BRINP3: variants seen among roughly 807,000 people sequenced by gnomAD.
BRINP3 encodes BMP/retinoic acid inducible neural specific 3, also known as BMP/retinoic acid-inducible neural-specific protein 3.
A neutral mutation model predicts 71.0 loss-of-function variants in BRINP3; 19 were observed. The observed-to-expected ratio is 0.27, with a 90% CI of 0.19 to 0.39. The LOEUF is 0.39. BRINP3 is among the 10% of genes least tolerant of loss of function. The pLI is 1.00. For missense variants in BRINP3, 959 were observed against 940.8 expected, an observed-to-expected ratio of 1.02 and a Z score of -0.25; for synonymous variants, 380 against 337.7, an observed-to-expected ratio of 1.13 and a Z score of -1.37.
At chr1:190,459,479 A>G (rs1044745706) in intron 1 of BRINP3, among the ~76,000 whole-genome samples, 1 of 151,926 alleles carries the variant, frequency 6.6e-6, no homozygotes, top group South Asian at 2.1e-4. Flanking sequence ...GTGAATTTCC[A>G]GTAGAACTGA....
intron 7 of BRINP3, among the ~76,000 whole-genome samples, chr1:190,149,372 C>T (rs777876756): frequency 2.2e-4 from 33 of 152,192 alleles, no homozygotes; most frequent in Admixed American, 1.0e-3. Context: ...TTACTTTCTG[C>T]GGTTTATCTT....
At chr1:190,173,326 C>T (rs1229854244) in intron 6 of BRINP3, among the ~76,000 whole-genome samples, 1 of 152,158 alleles carries the variant, frequency 6.6e-6, no homozygotes, top group Non-Finnish European at 1.5e-5. Flanking sequence ...GGGATATATT[C>T]ATGGCTAATG....
chr1:190,474,164 T>A (rs934344870), intron 1 of BRINP3, among the ~76,000 whole-genome samples: 2 of 152,304 alleles, frequency 1.3e-5, no homozygotes, highest in East Asian at 3.9e-4. Flanking sequence ...CTAACCTTGG[T>A]CCAGTTTCTG....
At chr1:190,189,128 G>T in intron 6 of BRINP3, among the ~76,000 whole-genome samples, 1 of 152,076 alleles carries the variant, frequency 6.6e-6, no homozygotes, top group East Asian at 1.9e-4. Flanking sequence ...TCTTTACCTG[G>T]ATTTGCTATA....
At chr1:190,099,982 T>C (rs1177523020) in intron 7 of BRINP3, among the ~76,000 whole-genome samples, 1 of 152,204 alleles carries the variant, frequency 6.6e-6, no homozygotes, top group East Asian at 1.9e-4. Context: ...GGAAGAGCAA[T>C]GGCCTTGTAA....
At chr1:190,272,883 C>T (rs563690324) in intron 3 of BRINP3, among the ~76,000 whole-genome samples, 11 of 151,460 alleles carry the variant, frequency 7.3e-5, no homozygotes, top group African/African-American at 2.7e-4. Flanking sequence ...TAATGAATAT[C>T]CTGTTTAAAA....
At chr1:190,381,739 A>T (rs1001735975) in intron 2 of BRINP3, among the ~76,000 whole-genome samples, 3 of 152,174 alleles carry the variant, frequency 2.0e-5, no homozygotes, top group African/African-American at 7.2e-5. Flanking sequence ...GCTAATTCTC[A>T]TTCATGTTAT....
At chr1:190,191,753 C>T (rs777172010) in intron 6 of BRINP3, among the ~76,000 whole-genome samples, 11 of 151,926 alleles carry the variant, frequency 7.2e-5, no homozygotes, top group African/African-American at 2.2e-4. Flanking sequence ...CAATGAGTTG[C>T]AAATGAAGTA....
At chr1:190,262,238 T>C (rs1362104307) in intron 4 of BRINP3, among the ~76,000 whole-genome samples, 2 of 152,094 alleles carry the variant, frequency 1.3e-5, no homozygotes, top group African/African-American at 2.4e-5. Flanking sequence ...ATAATAACCC[T>C]GAGTGCAGCT....
chr1:190,374,541 C>A (rs1209846171), intron 2 of BRINP3, among the ~76,000 whole-genome samples: 2 of 145,956 alleles, frequency 1.4e-5, no homozygotes, highest in African/African-American at 2.6e-5. Context: ...TTAAACTTGG[C>A]AATTTCACTA....
At chr1:190,332,172 A>C (rs1667007637) in intron 2 of BRINP3, among the ~76,000 whole-genome samples, 1 of 152,096 alleles carries the variant, frequency 6.6e-6, no homozygotes, top group African/African-American at 2.4e-5. Context: ...GAAGAAGTAT[A>C]TGAACACGTG....
At chr1:190,333,135 G>A (rs1405767807) in intron 2 of BRINP3, among the ~76,000 whole-genome samples, 1 of 151,852 alleles carries the variant, frequency 6.6e-6, no homozygotes, top group African/African-American at 2.4e-5. Context: ...TTGAAAAAAT[G>A]ATCTTATTTA....
intron 6 of BRINP3, among the ~76,000 whole-genome samples, chr1:190,183,143 A>G (rs1285392187): frequency 6.6e-6 from 1 of 152,040 alleles, no homozygotes; most frequent in African/African-American, 2.4e-5. Flanking sequence ...GCATGTTCAT[A>G]ATTTTCAAGG....
intron 7 of BRINP3, among the ~76,000 whole-genome samples, chr1:190,145,702 T>C (rs1655823611): frequency 6.6e-6 from 1 of 152,164 alleles, no homozygotes; most frequent in East Asian, 1.9e-4. Flanking sequence ...GAAGTCATCA[T>C]ATGAAAAAGA....
chr1:190,099,988 T>C (rs1176331202), intron 7 of BRINP3, among the ~76,000 whole-genome samples: 2 of 152,196 alleles, frequency 1.3e-5, no homozygotes, highest in Admixed American at 1.3e-4. Context: ...GCAATGGCCT[T>C]GTAATAACAC....
chr1:190,401,186 C>T (rs1006063559), intron 2 of BRINP3, among the ~76,000 whole-genome samples: 8 of 151,804 alleles, frequency 5.3e-5, no homozygotes, highest in Non-Finnish European at 8.8e-5. Flanking sequence ...TGTGAAACCC[C>T]GTATTTACCA....
intron 2 of BRINP3, among the ~76,000 whole-genome samples, chr1:190,358,794 A>T (rs1053520057): frequency 6.6e-6 from 1 of 152,200 alleles, no homozygotes; most frequent in Admixed American, 6.5e-5. Context: ...GGATTAAGAA[A>T]ATGTGGCACA....
intron 2 of BRINP3, among the ~76,000 whole-genome samples, chr1:190,299,596 A>G (rs1238784700): frequency 1.6e-5 from 1 of 60,630 alleles, no homozygotes; most frequent in African/African-American, 6.8e-5. Flanking sequence ...CCCCCACCCC[A>G]CAACAGTCCC....
At chr1:190,223,353 T>G (rs1461849602) in intron 6 of BRINP3, among the ~76,000 whole-genome samples, 1 of 151,940 alleles carries the variant, frequency 6.6e-6, no homozygotes, top group Non-Finnish European at 1.5e-5. Flanking sequence ...CAAAGATGGT[T>G]CAACACATGC....
Sources: allele counts gnomAD v4.1 joint callset (sites outside exome capture counted in the v4.1 genomes callset), GRCh38; gene constraint gnomAD v4.1.1; transcripts MANE v1.5; gene names NCBI Gene and HGNC (gene_info 2026-07-23, HGNC 2026-07-21).